PPM1H: variants seen among roughly 807,000 people sequenced by gnomAD.
PPM1H encodes protein phosphatase 1H.
In PPM1H, 27 loss-of-function variants were observed where a neutral mutation model predicts 54.9. The ratio of observed to expected loss-of-function variants is 0.49; its 90% confidence interval spans 0.36 to 0.68. PPM1H has a LOEUF of 0.68. Ranked by LOEUF, PPM1H falls within the 30% of genes least tolerant of loss-of-function variation. The pLI is 0.00. For synonymous variants in PPM1H, 305 were observed against 270.8 expected (o/e 1.13, Z -1.24); for missense variants, 596 against 667.8 (o/e 0.89, Z 1.19).
intron 8 of PPM1H, among the ~76,000 whole-genome samples, chr12:62,675,258 A>C (rs1257375814): frequency 6.6e-6 from 1 of 152,182 alleles, no homozygotes; most frequent in Non-Finnish European, 1.5e-5. Context: ...CTAAAATATG[A>C]GGTATTGTGC....
At chr12:62,877,210 T>C (rs1870205670) in intron 1 of PPM1H, among the ~76,000 whole-genome samples, 1 of 152,208 alleles carries the variant, frequency 6.6e-6, no homozygotes, top group South Asian at 2.1e-4. Flanking sequence ...TCCCAGGACT[T>C]ATACTGTGTG....
intron 9 of PPM1H, among the ~76,000 whole-genome samples, chr12:62,649,475 A>G (rs2075804618): frequency 6.6e-6 from 1 of 152,214 alleles, no homozygotes; most frequent in African/African-American, 2.4e-5. Context: ...GTTAGCCCTG[A>G]GGCATAAAAA....
At chr12:62,671,064 A>G (rs1175451455) in intron 8 of PPM1H, among the ~76,000 whole-genome samples, 1 of 152,178 alleles carries the variant, frequency 6.6e-6, no homozygotes, top group African/African-American at 2.4e-5. Context: ...TGGGCTCCGG[A>G]GTCCTGACCT....
chr12:62,702,546 G>GAA (rs2076149810), intron 6 of PPM1H, among the ~76,000 whole-genome samples: 1 of 139,970 alleles, frequency 7.1e-6, no homozygotes, highest in Admixed American at 7.1e-5. Context: ...TTGAGCTACA[G>GAA]AGAGAGAGAG....
chr12:62,794,215 T>C (rs1277671533), intron 3 of PPM1H, among the ~76,000 whole-genome samples: 1 of 152,194 alleles, frequency 6.6e-6, no homozygotes, highest in Non-Finnish European at 1.5e-5. Context: ...AAACTTCCCG[T>C]TCTAACAAAA....
In PPM1H at chr12:62,685,180, G is replaced by A. The variant is rs958193084; in HGVS notation, c.1245+4519C>T. On this transcript the variant is annotated intron_variant, in intron 8 of 9. Transcript: ENST00000228705. ...GTGTTACTTTGCACAATTCTGTCTGGTCTCGGTTTGCACACACAACAAAGG... is the reference window on the plus strand; with the variant it reads ...GTGTTACTTTGCACAATTCTGTCTGATCTCGGTTTGCACACACAACAAAGG... Among the ~76,000 whole-genome samples, 5 of 152,012 alleles carry A rather than the reference G, an allele frequency of 3.3e-5. No individual in the cohort carries two copies. In the East Asian group the frequency reaches 9.6e-4, roughly 29 times the overall value.
intron 6 of PPM1H, among the ~76,000 whole-genome samples, chr12:62,707,017 A>C (rs1037682660): frequency 1.6e-4 from 25 of 152,216 alleles, no homozygotes; most frequent in African/African-American, 6.0e-4. Context: ...CAGGTGCAAT[A>C]AACTCAGACT....
chr12:62,832,308 G>A, intron 1 of PPM1H, 29 bp from the exon 2 acceptor site: 2 of 1,583,392 alleles, frequency 1.3e-6, no homozygotes, highest in Middle Eastern at 1.7e-4. Flanking sequence ...AAGCTGGTCA[G>A]ACAGACCGAT....
At chr12:62,924,780 G>T (rs753026709) in intron 1 of PPM1H, among the ~76,000 whole-genome samples, 3 of 152,188 alleles carry the variant, frequency 2.0e-5, no homozygotes, top group Non-Finnish European at 2.9e-5. Context: ...GGTGGCTCAC[G>T]CCTGCACTCC....
chr12:62,813,102 C>G (rs2076844848), intron 2 of PPM1H, among the ~76,000 whole-genome samples: 1 of 152,038 alleles, frequency 6.6e-6, no homozygotes, highest in African/African-American at 2.4e-5. Context: ...GGAGTGCCAA[C>G]TGAGAAGGAG....
chr12:62,720,961 CGA>C (rs1298822528), intron 5 of PPM1H: 1 of 152,384 alleles, frequency 6.6e-6, no homozygotes, highest in African/African-American at 2.4e-5. Context: ...TCTAGCAATC[CGA>C]GAGACGCAAT....
At chr12:62,910,186 T>C (rs1325083391) in intron 1 of PPM1H, among the ~76,000 whole-genome samples, 2 of 152,012 alleles carry the variant, frequency 1.3e-5, no homozygotes, top group African/African-American at 2.4e-5. Flanking sequence ...TGAGTGTGGA[T>C]GGAGCACAGG....
chr12:62,867,499 C>A lies in PPM1H; in HGVS notation c.246-35220G>T, dbSNP rs616465. Among the ~76,000 whole-genome samples, 3 of 149,022 alleles carry A rather than the reference C, an allele frequency of 2.0e-5. No homozygotes were observed. The South Asian group carries it at 6.4e-4, about 32-fold the overall frequency. On this transcript the variant is annotated intron_variant, in intron 1 of 9. Coordinates refer to ENST00000228705, the MANE Select transcript of PPM1H (RefSeq NM_020700.2). ...GCAGGGAAACAAAACACGCTAGGAT[C>A]TCATCATAGCTGATACAATGACTTT...
chr12:62,683,494 G>A (rs1001657302), intron 8 of PPM1H, among the ~76,000 whole-genome samples: 15 of 152,222 alleles, frequency 9.9e-5, no homozygotes, highest in Middle Eastern at 3.4e-3. Flanking sequence ...ACAGTCTAAG[G>A]TCTTTGTTCT....
rs79778774 is a variant in PPM1H at position 62,844,239 on chromosome 12, A to G, written c.246-11960T>C. 0.012 allele frequency among the ~76,000 whole-genome samples: 1,784 copies of G among 152,288 alleles called. 39 individuals are homozygous for G. The highest frequency in any genetic ancestry group is 0.041 in the African/African-American group (1,723 of 41,562). ...AGGTTTCACTTATATAGGCAGAAAC[A>G]GTTTTAGCAGGGTTCAGCACTTTCT... On this transcript the variant is annotated intron_variant, in intron 1 of 9. Coordinates refer to ENST00000228705, the MANE Select transcript of PPM1H (RefSeq NM_020700.2). This position sits in a 1 kb window ranked among gnomAD's most constrained non-coding sequence, Gnocchi z 5.2.
intron 4 of PPM1H, among the ~76,000 whole-genome samples, chr12:62,754,404 A>C (rs1223961081): frequency 1.3e-5 from 2 of 152,176 alleles, no homozygotes; most frequent in Non-Finnish European, 2.9e-5. Flanking sequence ...CGTCTCTAGC[A>C]AAAACACAAA....
chr12:62,737,552 TG>T lies in PPM1H; in HGVS notation c.903del (p.Met302CysfsTer54). 1 of 1,586,494 alleles carries T rather than the reference TG, an allele frequency of 6.3e-7. No individual in the cohort carries two copies. On this transcript the variant is annotated frameshift_variant, in exon 5 of 10. Transcript: ENST00000228705. LOFTEE classifies it high-confidence loss of function. ...GTCTCGGGGGTAAATTCTGAAGACA[TG>T]GGGATAATTTCTCCATTTCTGATGA... Reference protein sequence around the residue: ...AIIIRNGEIIPMSSEFTPETE... With the variant: ...AIIIRNGEIIXMSSEFTPETE...
intron 9 of PPM1H, among the ~76,000 whole-genome samples, chr12:62,650,437 CTT>C (rs2075809335): frequency 6.6e-6 from 1 of 152,142 alleles, no homozygotes; most frequent in Admixed American, 6.5e-5. Flanking sequence ...TTCTCCTCCT[CTT>C]GAGATCAGGA....
intron 6 of PPM1H, among the ~76,000 whole-genome samples, chr12:62,708,392 C>T (rs987598595): frequency 7.2e-5 from 11 of 152,140 alleles, no homozygotes; most frequent in South Asian, 4.1e-4. Flanking sequence ...CCCAGGCCAC[C>T]GCAGGTGACC....
Sources: allele counts gnomAD v4.1 joint callset (sites outside exome capture counted in the v4.1 genomes callset), GRCh38; gene constraint gnomAD v4.1.1; non-coding constraint Gnocchi (gnomAD v3.1); transcripts MANE v1.5; gene names NCBI Gene and HGNC (gene_info 2026-07-23, HGNC 2026-07-21).